The following PBX3 variants were observed in gnomAD, a reference collection of about 807,000 sequenced individuals.
The protein encoded by PBX3 is pre-B-cell leukemia transcription factor 3.
Under a neutral mutation model 48.5 loss-of-function variants are expected in PBX3, and 14 were observed. The ratio of observed to expected loss-of-function variants is 0.29; its 90% confidence interval spans 0.19 to 0.45. PBX3 has a LOEUF of 0.45. PBX3 is among the 20% of genes least tolerant of loss of function. PBX3 has a pLI of 1.00. For missense variants in PBX3, 386 were observed against 546.7 expected (o/e 0.71, Z 2.93); for synonymous variants, 210 against 200.3 (o/e 1.05, Z -0.41).
intron 2 of PBX3, among the ~76,000 whole-genome samples, chr9:125,795,557 A>G (rs1588153777): frequency 1.3e-5 from 2 of 152,302 alleles, no homozygotes; most frequent in African/African-American, 2.4e-5. Context: ...ACAATCATAT[A>G]CAACATGTAA....
At chr9:125,922,447 A>G (rs1304042147) in intron 3 of PBX3, among the ~76,000 whole-genome samples, 2 of 152,190 alleles carry the variant, frequency 1.3e-5, no homozygotes, top group East Asian at 3.8e-4. Flanking sequence ...AGAAAATTCA[A>G]GGCATACTTT....
intron 2 of PBX3, among the ~76,000 whole-genome samples, chr9:125,806,935 A>C (rs746917097): frequency 3.9e-5 from 6 of 152,244 alleles, no homozygotes; most frequent in Non-Finnish European, 7.3e-5. Flanking sequence ...ATTTGAGAGG[A>C]GAAGATATAA....
At chr9:125,959,959 A>G (rs537392375) in intron 5 of PBX3, among the ~76,000 whole-genome samples, 4 of 152,286 alleles carry the variant, frequency 2.6e-5, no homozygotes, top group South Asian at 4.2e-4. Context: ...AAATCTGCCT[A>G]TTGCCAAGAT....
rs556659616 is a variant in PBX3, at chr9:125,849,738, T to C, written c.275-65948T>C. ...TTTGGCAACACCCTAAATATCAATA[T>C]ACATTTTATTTCCTGAAGGCTGCAT... On this transcript the variant is annotated intron_variant, in intron 2 of 8. Transcript: ENST00000373489. Among the ~76,000 whole-genome samples, 11 of 152,104 alleles carry C rather than the reference T, an allele frequency of 7.2e-5. 1 individual carries two copies. In the South Asian group the frequency reaches 2.3e-3, roughly 32 times the overall value.
At chr9:125,907,946 A>C (rs562188019) in intron 2 of PBX3, among the ~76,000 whole-genome samples, 3 of 152,108 alleles carry the variant, frequency 2.0e-5, no homozygotes, top group African/African-American at 7.2e-5. Flanking sequence ...GTTATTTTAA[A>C]AATCAAATGA....
intron 2 of PBX3, among the ~76,000 whole-genome samples, chr9:125,831,439 T>TC (rs1295792400): frequency 6.6e-6 from 1 of 152,070 alleles, no homozygotes; most frequent in Non-Finnish European, 1.5e-5. Context: ...TTTTTTTTTT[T>TC]TGAGATGGAG....
intron 2 of PBX3, among the ~76,000 whole-genome samples, chr9:125,897,667 A>G (rs1257706123): frequency 1.3e-5 from 2 of 151,942 alleles, no homozygotes; most frequent in Non-Finnish European, 2.9e-5. Flanking sequence ...TATAGGGAAA[A>G]CTGCTATTTG....
chr9:125,858,356 G>C (rs1839776043), intron 2 of PBX3, among the ~76,000 whole-genome samples: 1 of 152,156 alleles, frequency 6.6e-6, no homozygotes, highest in Admixed American at 6.5e-5. Flanking sequence ...TAATTTTAAA[G>C]CTTATTTCCC....
intron 2 of PBX3, among the ~76,000 whole-genome samples, chr9:125,894,105 A>AGT (rs1411853033): frequency 1.5e-5 from 1 of 66,470 alleles, no homozygotes; most frequent in Non-Finnish European, 2.8e-5. Context: ...TTTTGTAAAT[A>AGT]GTATATTTTT....
At position 125,759,302 on chromosome 9, in the gene PBX3, A is replaced by G. The variant is rs1836601690; in HGVS notation, c.274+10679A>G. On this transcript the variant is annotated intron_variant, in intron 2 of 8. Coordinates refer to ENST00000373489, the MANE Select transcript of PBX3 (RefSeq NM_006195.6). This position sits in a 1 kb window ranked among gnomAD's most constrained non-coding sequence, Gnocchi z 4.2. ...ATTCACTGAAGAAACAATTGACTTTAGCTTTTCTGTTGTTAAAGTGGCCCC... is the reference window on the plus strand; with the variant it reads ...ATTCACTGAAGAAACAATTGACTTTGGCTTTTCTGTTGTTAAAGTGGCCCC... 6.6e-6 allele frequency among the ~76,000 whole-genome samples: 1 copy of G among 152,192 alleles called. No individual in the cohort carries two copies. The highest frequency in any genetic ancestry group is 1.5e-5 in the Non-Finnish European group (1 of 68,034).
At chr9:125,809,256 G>A (rs1838217020) in intron 2 of PBX3, among the ~76,000 whole-genome samples, 1 of 152,168 alleles carries the variant, frequency 6.6e-6, no homozygotes, top group Admixed American at 6.5e-5. Context: ...CTGCAAAAGT[G>A]CCCTGAGGGT....
chr9:125,791,297 G>GTCTATCTATCTA (rs1244054851), intron 2 of PBX3, among the ~76,000 whole-genome samples: 33 of 128,060 alleles, frequency 2.6e-4, no homozygotes, highest in African/African-American at 2.9e-4. Context: ...CTGTCTGTCT[G>GTCTATCTATCTA]TCTGTCTATC....
intron 5 of PBX3, among the ~76,000 whole-genome samples, chr9:125,944,866 ACCTTG>A (rs1326410292): frequency 6.6e-6 from 1 of 152,108 alleles, no homozygotes; most frequent in Non-Finnish European, 1.5e-5. Context: ...TAGCTCAGTG[ACCTTG>A]GGCAAGTCAT....
At chr9:125,827,453 A>G in intron 2 of PBX3, among the ~76,000 whole-genome samples, 1 of 152,270 alleles carries the variant, frequency 6.6e-6, no homozygotes, top group East Asian at 1.9e-4. Context: ...TGGTTGGTAC[A>G]TATTCTTCTC....
chr9:125,881,840 G>A (rs991560586), intron 2 of PBX3, among the ~76,000 whole-genome samples: 2 of 151,740 alleles, frequency 1.3e-5, no homozygotes, highest in Non-Finnish European at 2.9e-5. Flanking sequence ...CTGCTCTAAT[G>A]TTTTTTTGGG....
At chr9:125,816,687 CTT>C (rs1838473907) in intron 2 of PBX3, among the ~76,000 whole-genome samples, 1 of 152,116 alleles carries the variant, frequency 6.6e-6, no homozygotes. Context: ...ATATTATACT[CTT>C]TTGACTGGGG....
intron 2 of PBX3, 163 bp downstream of exon 2, chr9:125,748,786 G>T: frequency 3.7e-6 from 2 of 546,904 alleles, no homozygotes; most frequent in Admixed American, 3.0e-5. Context: ...AATAAATCTG[G>T]AGTCAATTTC....
chr9:125,835,401 G>T (rs1258318867), intron 2 of PBX3, among the ~76,000 whole-genome samples: 1 of 152,076 alleles, frequency 6.6e-6, no homozygotes, highest in East Asian at 1.9e-4. Context: ...CTACTGACTT[G>T]CAAGAGTCAA....
intron 3 of PBX3, among the ~76,000 whole-genome samples, chr9:125,927,820 C>G (rs1841611926): frequency 6.6e-6 from 1 of 152,126 alleles, no homozygotes; most frequent in African/African-American, 2.4e-5. Context: ...GGGAGGATCT[C>G]TTTAGGCCAA....
Sources: gnomAD v4.1 joint callset for allele counts (sites outside exome capture counted in the v4.1 genomes callset) on GRCh38, gnomAD v4.1.1 for gene constraint, Gnocchi (gnomAD v3.1) non-coding constraint, MANE v1.5 for transcripts, NCBI Gene and HGNC (gene_info 2026-07-23, HGNC 2026-07-21) for gene names.